Variants in HBS1L observed in about 807,000 individuals in gnomAD.
The protein encoded by HBS1L is HBS1 like translational GTPase.
HBS1L carries 55 observed loss-of-function variants against 88.9 expected under a neutral mutation model. That is an observed-to-expected ratio of 0.62 (90% confidence interval 0.50 to 0.77). The LOEUF is 0.77. Among genes scored for constraint, HBS1L ranks in the 30% least tolerant of loss-of-function variants. The pLI is 0.00. For synonymous variants in HBS1L, 267 were observed against 288.5 expected, an observed-to-expected ratio of 0.93 and a Z score of 0.76; for missense variants, 741 against 829.3, an observed-to-expected ratio of 0.89 and a Z score of 1.31.
chr6:135,026,193 T>C (rs1490821890), intron 4 of HBS1L, among the ~76,000 whole-genome samples: 5 of 152,178 alleles, frequency 3.3e-5, no homozygotes, highest in African/African-American at 1.2e-4. Context: ...ATAAATTCAG[T>C]TAACAGAAGT....
intron 4 of HBS1L, among the ~76,000 whole-genome samples, chr6:135,011,171 A>AT (rs1775762255): frequency 6.6e-6 from 1 of 152,204 alleles, no homozygotes; most frequent in Non-Finnish European, 1.5e-5. Flanking sequence ...AGAGAAAAAC[A>AT]TAAAAATATA....
intron 4 of HBS1L, chr6:135,035,742 C>T (rs13215800): frequency 6.8e-6 from 1 of 146,798 alleles, no homozygotes; most frequent in Admixed American, 1.3e-4. Flanking sequence ...CAGAGCGAGA[C>T]TCTGTCTCAA....
At chr6:134,990,303 A>T (rs977509373) in intron 8 of HBS1L, among the ~76,000 whole-genome samples, 2 of 152,128 alleles carry the variant, frequency 1.3e-5, no homozygotes, top group Admixed American at 6.6e-5. Flanking sequence ...GAATAAAGTG[A>T]TCTCTCTCCA....
chr6:135,000,222 ATT>A (rs33946758), intron 5 of HBS1L, among the ~76,000 whole-genome samples: 17 of 129,396 alleles, frequency 1.3e-4, no homozygotes, highest in African/African-American at 4.1e-4. Flanking sequence ...TACCCAGCTA[ATT>A]TTTTTTTTTT....
Position 134,962,158 on chromosome 6 carries a change from G to C in HBS1L, c.*3121C>G, listed in dbSNP as rs1234593196. On this transcript the variant is annotated 3_prime_UTR_variant, in exon 18 of 18. Transcript: ENST00000367837. ...AAGATGATTCAGTAGTTTGTATTGG[G>C]CCTACTTGTCTTGATTTTTTGAAAA... 6.6e-6 allele frequency: 1 copy of C among 151,966 alleles called. No homozygotes were observed. The highest frequency in any genetic ancestry group is 1.5e-5 in the Non-Finnish European group (1 of 68,002). The allele number at this position is 151,966 out of a possible 1,614,324, so 9.4% of individuals were successfully genotyped here.
intron 5 of HBS1L, among the ~76,000 whole-genome samples, chr6:135,000,031 T>C (rs906135582): frequency 1.3e-5 from 2 of 151,882 alleles, no homozygotes; most frequent in Non-Finnish European, 2.9e-5. Flanking sequence ...TCTGGTATCA[T>C]TTTGTAAGCT....
rs561196461 is a variant in HBS1L, at chr6:134,992,986, G to A, written c.1083+772C>T. 5.3e-5 allele frequency among the ~76,000 whole-genome samples: 8 copies of A among 152,084 alleles called. No homozygotes were observed. The South Asian group carries it at 1.7e-3, about 32-fold the overall frequency. On this transcript the variant is annotated intron_variant, in intron 8 of 17. Coordinates refer to ENST00000367837, the MANE Select transcript of HBS1L (RefSeq NM_006620.4). ...TTATCTTTTATGCCCTATTTTTACT[G>A]TACCTTTTCTATGATATGCTTAGAT...
intron 16 of HBS1L, among the ~76,000 whole-genome samples, chr6:134,968,342 G>A (rs761511243): frequency 4.6e-5 from 7 of 151,732 alleles, no homozygotes; most frequent in Non-Finnish European, 8.8e-5. Context: ...TCCGCCCACC[G>A]GGTTCAAGAG....
chr6:135,022,278 A>G (rs984680025), intron 4 of HBS1L, among the ~76,000 whole-genome samples: 10 of 152,102 alleles, frequency 6.6e-5, no homozygotes, highest in African/African-American at 2.4e-4. Flanking sequence ...ATAAAACAAG[A>G]AAGTATATAC....
intron 4 of HBS1L, among the ~76,000 whole-genome samples, chr6:135,009,363 T>C (rs952750325): frequency 1.8e-4 from 27 of 152,166 alleles, no homozygotes; most frequent in African/African-American, 5.1e-4. Context: ...ATTCAAAATA[T>C]GTACCTGAGT....
intron 8 of HBS1L, among the ~76,000 whole-genome samples, chr6:134,990,555 T>C (rs1448807056): frequency 6.6e-6 from 1 of 152,136 alleles, no homozygotes; most frequent in Admixed American, 6.6e-5. Context: ...CCACCATAAT[T>C]CCATAAAGAG....
At chr6:135,011,180 T>C (rs1439975940) in intron 4 of HBS1L, among the ~76,000 whole-genome samples, 1 of 152,102 alleles carries the variant, frequency 6.6e-6, no homozygotes, top group Non-Finnish European at 1.5e-5. Flanking sequence ...CATAAAAATA[T>C]AGGGACTTCA....
intron 4 of HBS1L, among the ~76,000 whole-genome samples, chr6:135,027,807 G>A (rs973075424): frequency 4.7e-5 from 7 of 148,042 alleles, no homozygotes; most frequent in Admixed American, 2.7e-4. Context: ...TCACTCTGTC[G>A]CCCGGGCTGG....
intron 4 of HBS1L, among the ~76,000 whole-genome samples, chr6:135,015,706 C>T (rs1019442899): frequency 1.6e-4 from 24 of 151,678 alleles, no homozygotes; most frequent in African/African-American, 5.8e-4. Context: ...CTCAGCCTCC[C>T]CAGTAGCTGG....
intron 13 of HBS1L, among the ~76,000 whole-genome samples, chr6:134,981,941 T>C (rs749921822): frequency 5.3e-5 from 8 of 152,050 alleles, no homozygotes; most frequent in African/African-American, 1.2e-4. Flanking sequence ...AATTTCTCTT[T>C]TCAACATTGG....
At chr6:135,026,770 TG>T (rs141992969) in intron 4 of HBS1L, 1 of 152,050 alleles carries the variant, frequency 6.6e-6, no homozygotes, top group African/African-American at 2.4e-5. Flanking sequence ...AGAAAGTTCA[TG>T]TATCTTTATA....
chr6:134,987,887 A>G lies in HBS1L; in HGVS notation c.1084-96T>C, dbSNP rs556522652. 2.4e-5 allele frequency: 26 copies of G among 1,083,136 alleles called. 2 individuals are homozygous for G. Among genetic ancestry groups the G allele is most frequent in the Admixed American group, 1.4e-4 (4 of 29,260 alleles). 67.1% of individuals were successfully genotyped at this position (1,083,136 alleles called of 1,614,324 possible). A position where few individuals can be genotyped will look rare whatever the true frequency, so the allele number is the denominator to read the frequency against. On this transcript the variant is annotated intron_variant, in intron 8 of 17. Transcript: ENST00000367837. ...TTAATTATGTTAGTCACATTTTTAA[A>G]GGAAGACCCTAACTACCCCCACCAA...
chr6:135,011,832 G>T (rs1408859018), intron 4 of HBS1L, among the ~76,000 whole-genome samples: 1 of 150,718 alleles, frequency 6.6e-6, no homozygotes, highest in Non-Finnish European at 1.5e-5. Context: ...CTTGAACCCA[G>T]GAGGCGGAGG....
In HBS1L at chr6:134,997,501, G is replaced by C. The variant is rs1775324170; in HGVS notation, c.695C>G (p.Pro232Arg). Residue 232 changes from proline (P) to arginine (R), a missense_variant, in exon 6 of 18, where the codon CCA becomes CGA. This residue lies in a region of HBS1L where 556 missense variants were observed against 598.4 expected (regional missense o/e 0.93). Coordinates refer to ENST00000367837, the MANE Select transcript of HBS1L (RefSeq NM_006620.4). ...IQASEEQSST[P>R]APVKKSGKLR... The stretch of plus-strand genomic sequence containing the variant: ...CTTGCCAGACTTTTTCACCGGTGCT[G>C]GGGTTGAACTCTGCTCTTCTGATGC... 11 of 1,614,064 alleles carry C rather than the reference G, an allele frequency of 6.8e-6. No individual in the cohort carries two copies. The highest frequency in any genetic ancestry group is 1.7e-4 in the Middle Eastern group (1 of 6,056).
Sources: allele counts gnomAD v4.1 joint callset (sites outside exome capture counted in the v4.1 genomes callset), GRCh38; gene constraint gnomAD v4.1.1; regional missense constraint gnomAD v4.1.1; transcripts MANE v1.5; gene names NCBI Gene and HGNC (gene_info 2026-07-23, HGNC 2026-07-21).